Variants in GALNTL5 observed in about 807,000 individuals in gnomAD.
GALNTL5 encodes the protein polypeptide N-acetylgalactosaminyltransferase like 5.
A neutral mutation model predicts 51.0 loss-of-function variants in GALNTL5; 44 were observed. The observed-to-expected ratio is 0.86, with a 90% CI of 0.68 to 1.11. The LOEUF is 1.11. Ranked by LOEUF, GALNTL5 falls within the 50% of genes least tolerant of loss-of-function variation. GALNTL5 has a pLI of 0.00. For missense variants in GALNTL5, 528 were observed against 531.8 expected, an observed-to-expected ratio of 0.99 and a Z score of 0.07; for synonymous variants, 192 against 182.8, an observed-to-expected ratio of 1.05 and a Z score of -0.41.
intron 4 of GALNTL5, among the ~76,000 whole-genome samples, chr7:151,986,292 T>A (rs2081358428): frequency 6.6e-6 from 1 of 152,162 alleles, no homozygotes; most frequent in African/African-American, 2.4e-5. Flanking sequence ...TCTATTAAAA[T>A]GTTAATAGTG....
chr7:152,017,038 C>CAAAAA (rs201395203), intron 8 of GALNTL5, among the ~76,000 whole-genome samples: 1 of 116,658 alleles, frequency 8.6e-6, no homozygotes. Context: ...AGCTCCATCT[C>CAAAAA]AAAAAAAAAA....
intron 6 of GALNTL5, among the ~76,000 whole-genome samples, chr7:152,005,520 G>A (rs1429988032): frequency 6.6e-6 from 1 of 152,078 alleles, no homozygotes; most frequent in African/African-American, 2.4e-5. Context: ...TTCTCTTTGG[G>A]GCATATTTGA....
At chr7:151,998,663 T>C (rs1174599587) in intron 5 of GALNTL5, among the ~76,000 whole-genome samples, 5 of 151,824 alleles carry the variant, frequency 3.3e-5, no homozygotes, top group Non-Finnish European at 5.9e-5. Context: ...TCCCAGCTAC[T>C]TGGGAGGCTG....
intron 5 of GALNTL5, among the ~76,000 whole-genome samples, chr7:151,994,097 TCTC>T (rs2081461645): frequency 6.6e-6 from 1 of 152,156 alleles, no homozygotes; most frequent in Admixed American, 6.5e-5. Context: ...TGCACCTACT[TCTC>T]CTGGCCCTTT....
chr7:151,957,566 GA>G (rs55766339), intron 1 of GALNTL5, among the ~76,000 whole-genome samples: 32,096 of 141,466 alleles, frequency 0.23, 4,127 homozygotes, highest in Admixed American at 0.33. Context: ...AAAAAGAAAA[GA>G]AAAAAAAAAA....
intron 1 of GALNTL5, among the ~76,000 whole-genome samples, chr7:151,962,232 A>T (rs1408772730): frequency 6.6e-6 from 1 of 150,658 alleles, no homozygotes; most frequent in Non-Finnish European, 1.5e-5. Context: ...TGAACTCCTG[A>T]CCTCGTGATC....
chr7:152,002,781 T>C lies in GALNTL5; in HGVS notation c.726T>C (p.His242=). 1 of 1,614,112 alleles carries C rather than the reference T, an allele frequency of 6.2e-7. No homozygotes were observed. Among genetic ancestry groups the C allele is most frequent in the South Asian group, 1.1e-5 (1 of 91,086 alleles). Residue 242 remains histidine (H), a synonymous_variant, in exon 6 of 9, where the codon CAT becomes CAC. Coordinates refer to ENST00000392800, the MANE Select transcript of GALNTL5 (RefSeq NM_145292.4). The part of the protein sequence containing the change: ...VNRVWLEPLL[H]AIAKDPKMVV... ...GAGTATGGCTGGAGCCCCTGCTGCATGCCATTGCCAAGGACCCCAAAATGG... is the reference window on the plus strand; with the variant it reads ...GAGTATGGCTGGAGCCCCTGCTGCACGCCATTGCCAAGGACCCCAAAATGG...
chr7:151,979,130 GA>G (rs1328383579), intron 3 of GALNTL5, among the ~76,000 whole-genome samples: 1 of 118,278 alleles, frequency 8.5e-6, no homozygotes, highest in East Asian at 2.5e-4. Context: ...TTTTTTTGGA[GA>G]TGGAGTCTCA....
chr7:151,959,350 A>C (rs2080964302), intron 1 of GALNTL5, among the ~76,000 whole-genome samples: 1 of 152,144 alleles, frequency 6.6e-6, no homozygotes, highest in African/African-American at 2.4e-5. Flanking sequence ...GGTAATGTAA[A>C]TTAAAACAGC....
chr7:152,008,645 G>A (rs1276296771), intron 7 of GALNTL5, among the ~76,000 whole-genome samples: 1 of 151,430 alleles, frequency 6.6e-6, no homozygotes, highest in Non-Finnish European at 1.5e-5. Flanking sequence ...TCAGATACTT[G>A]ATTATGCATA....
chr7:151,979,304 C>T (rs1253325949), intron 3 of GALNTL5, among the ~76,000 whole-genome samples: 27 of 135,100 alleles, frequency 2.0e-4, no homozygotes, highest in Admixed American at 1.7e-3. Flanking sequence ...TAAGTAGAGA[C>T]GGGGTTTCAC....
In GALNTL5 at chr7:151,983,019, G is replaced by C. The variant is rs766808347; in HGVS notation, c.402G>C (p.Pro134=). The C allele has an allele frequency of 1.2e-6, 2 of 1,613,982 alleles. No homozygotes were observed. Among genetic ancestry groups the C allele is most frequent in the Non-Finnish European group, 1.7e-6 (2 of 1,180,036 alleles). The change falls in exon 4 of 9, where the codon CCG becomes CCC. Residue 134 remains proline, a synonymous_variant. Coordinates refer to ENST00000392800, the MANE Select transcript of GALNTL5 (RefSeq NM_145292.4). The part of the protein sequence containing the change: ...CLQKHYPARL[P]TASIVICFYN... ...AAAAACATTACCCAGCCCGCCTCCC[G>C]ACTGCCAGCATTGTCATTTGCTTCT...
intron 1 of GALNTL5, among the ~76,000 whole-genome samples, chr7:151,964,187 T>A (rs1305850412): frequency 6.6e-6 from 1 of 152,194 alleles, no homozygotes; most frequent in Non-Finnish European, 1.5e-5. Flanking sequence ...ATAAGGACAC[T>A]GGTCCTATTG....
At chr7:152,008,338 C>A (rs540378481) in intron 7 of GALNTL5, among the ~76,000 whole-genome samples, 1 of 151,884 alleles carries the variant, frequency 6.6e-6, no homozygotes, top group African/African-American at 2.4e-5. Flanking sequence ...ATCTCGGCCT[C>A]CCAAAGCACT....
chr7:151,991,196 G>A (rs1293105282), intron 5 of GALNTL5, among the ~76,000 whole-genome samples: 1 of 152,050 alleles, frequency 6.6e-6, no homozygotes. Context: ...GGGTTCAAGT[G>A]ATTCTCCTGC....
At chr7:151,993,470 T>A (rs2081453908) in intron 5 of GALNTL5, among the ~76,000 whole-genome samples, 1 of 152,160 alleles carries the variant, frequency 6.6e-6, no homozygotes, top group African/African-American at 2.4e-5. Flanking sequence ...TTCTTTTTTT[T>A]AGGAGTGATT....
At chr7:151,957,405 C>T (rs1405870060) in intron 1 of GALNTL5, among the ~76,000 whole-genome samples, 3 of 146,870 alleles carry the variant, frequency 2.0e-5, no homozygotes, top group African/African-American at 7.5e-5. Flanking sequence ...AAAAAACAGG[C>T]GTGGTGGCAC....
chr7:151,958,011 G>A (rs1278179608), intron 1 of GALNTL5: 2 of 152,130 alleles, frequency 1.3e-5, no homozygotes, highest in Non-Finnish European at 2.9e-5. Context: ...GGAGGTTGGG[G>A]ATATGTTCAT....
chr7:151,965,408 A>G (rs1203866693), intron 1 of GALNTL5, among the ~76,000 whole-genome samples: 1 of 152,192 alleles, frequency 6.6e-6, no homozygotes, highest in East Asian at 1.9e-4. Flanking sequence ...TCAATCTATC[A>G]TCTTTAAAGG....
Sources: gnomAD v4.1 joint callset for allele counts (sites outside exome capture counted in the v4.1 genomes callset) on GRCh38, gnomAD v4.1.1 for gene constraint, MANE v1.5 for transcripts, NCBI Gene and HGNC (gene_info 2026-07-23, HGNC 2026-07-21) for gene names.